PHACTR3: variants seen among roughly 807,000 people sequenced by gnomAD.
PHACTR3 encodes the protein phosphatase and actin regulator 3.
A neutral mutation model predicts 66.8 loss-of-function variants in PHACTR3; 16 were observed. The ratio of observed to expected loss-of-function variants is 0.24; its 90% CI spans 0.16 to 0.36. The LOEUF (loss-of-function observed/expected upper bound fraction) is 0.36, where lower values mean the gene tolerates loss of function less well. PHACTR3 is among the 10% of genes least tolerant of loss of function. The pLI, the probability that PHACTR3 is intolerant of heterozygous loss-of-function variation, is 1.00. For missense variants in PHACTR3, 647 were observed against 719.9 expected, an observed-to-expected ratio of 0.90 and a Z score of 1.16; for synonymous variants, 323 against 292.1, an observed-to-expected ratio of 1.11 and a Z score of -1.08.
intron 7 of PHACTR3, among the ~76,000 whole-genome samples, chr20:59,776,253 C>T (rs543606924): frequency 6.6e-5 from 6 of 90,796 alleles, no homozygotes; most frequent in African/African-American, 1.7e-4. Flanking sequence ...CACAGGAGCC[C>T]CATGAGGCTA....
intron 1 of PHACTR3, among the ~76,000 whole-genome samples, chr20:59,635,794 T>C (rs920678368): frequency 4.6e-5 from 7 of 152,222 alleles, no homozygotes; most frequent in African/African-American, 1.7e-4. Context: ...GGACAGGGAC[T>C]ACACAAAGCT....
At chr20:59,623,611 C>T (rs1049878089) in intron 1 of PHACTR3, among the ~76,000 whole-genome samples, 6 of 152,198 alleles carry the variant, frequency 3.9e-5, no homozygotes, top group Admixed American at 2.0e-4. Context: ...TGGCTTTTCC[C>T]TCTTAAAACT....
At chr20:59,758,881 C>T (rs561259168) in intron 4 of PHACTR3, among the ~76,000 whole-genome samples, 2 of 152,290 alleles carry the variant, frequency 1.3e-5, no homozygotes, top group East Asian at 3.9e-4. Context: ...ACTGACCTCC[C>T]AGGGTCGCTA....
chr20:59,814,018 G>A (rs887360760), intron 8 of PHACTR3, among the ~76,000 whole-genome samples: 5 of 152,222 alleles, frequency 3.3e-5, no homozygotes, highest in East Asian at 1.9e-4. Flanking sequence ...CTGGCGTGGC[G>A]GGGCCCTGCT....
upstream of PHACTR3, chr20:59,604,476 C>T (rs2033585698): frequency 2.7e-6 from 1 of 365,860 alleles, no homozygotes; most frequent in Non-Finnish European, 3.8e-6. Flanking sequence ...ACGTCATGCT[C>T]CTCTCGCGCG....
At chr20:59,625,013 G>A (rs772874980) in intron 1 of PHACTR3, among the ~76,000 whole-genome samples, 2 of 152,182 alleles carry the variant, frequency 1.3e-5, no homozygotes, top group Non-Finnish European at 2.9e-5. Context: ...CCTTCAGGCT[G>A]TCTTGCTGTG....
At chr20:59,771,136 G>A (rs934090431) in intron 5 of PHACTR3, among the ~76,000 whole-genome samples, 1 of 152,194 alleles carries the variant, frequency 6.6e-6, no homozygotes, top group African/African-American at 2.4e-5. Context: ...GACCTGGGTG[G>A]GATCCCAGCT....
chr20:59,791,765 T>G (rs960707797), intron 7 of PHACTR3, among the ~76,000 whole-genome samples: 1 of 122,584 alleles, frequency 8.2e-6, no homozygotes. Context: ...GGCCCCGGTG[T>G]GTGATGGTCC....
chr20:59,648,274 A>G (rs1352422579), intron 1 of PHACTR3, among the ~76,000 whole-genome samples: 5 of 152,056 alleles, frequency 3.3e-5, no homozygotes, highest in Non-Finnish European at 4.4e-5. Flanking sequence ...CTGTTCCCCC[A>G]GGCTCCAGCC....
At chr20:59,719,414 C>T (rs1420645481) in intron 1 of PHACTR3, among the ~76,000 whole-genome samples, 7 of 152,334 alleles carry the variant, frequency 4.6e-5, no homozygotes, top group Admixed American at 2.0e-4. Context: ...CCACCCACCT[C>T]GGCCTCCCAA....
At chr20:59,777,688 T>G (rs921420044) in intron 7 of PHACTR3, among the ~76,000 whole-genome samples, 4 of 152,214 alleles carry the variant, frequency 2.6e-5, no homozygotes, top group Admixed American at 2.6e-4. Context: ...ACCTATCAAT[T>G]ACTTATTGTT....
At chr20:59,683,734 G>T (rs1246033277) in intron 1 of PHACTR3, among the ~76,000 whole-genome samples, 1 of 152,144 alleles carries the variant, frequency 6.6e-6, no homozygotes, top group Non-Finnish European at 1.5e-5. Flanking sequence ...ACCAAACTAA[G>T]ACTCTCCTCT....
At chr20:59,792,280 T>G (rs1411172035) in intron 7 of PHACTR3, among the ~76,000 whole-genome samples, 1 of 152,252 alleles carries the variant, frequency 6.6e-6, no homozygotes, top group Non-Finnish European at 1.5e-5. Flanking sequence ...TCAGCATTTG[T>G]GTACAAGTCT....
chr20:59,594,631 T>C (rs190108265), intron 1 of PHACTR3, among the ~76,000 whole-genome samples: 13 of 152,308 alleles, frequency 8.5e-5, no homozygotes, highest in African/African-American at 3.1e-4. Context: ...CTGCAATGTG[T>C]GTTCCCTCTT....
At chr20:59,619,326 G>C (rs937493174) in intron 1 of PHACTR3, among the ~76,000 whole-genome samples, 2 of 152,132 alleles carry the variant, frequency 1.3e-5, no homozygotes, top group African/African-American at 4.8e-5. Context: ...GGATGGAAGC[G>C]GGGGATGCTG....
chr20:59,821,621 C>T (rs1318250869), intron 8 of PHACTR3, among the ~76,000 whole-genome samples: 4 of 152,134 alleles, frequency 2.6e-5, no homozygotes, highest in Admixed American at 6.5e-5. Context: ...AGGAAACTCG[C>T]GGCTTCTGCT....
intron 1 of PHACTR3, among the ~76,000 whole-genome samples, chr20:59,733,725 G>A (rs570653108): frequency 2.6e-5 from 4 of 152,282 alleles, no homozygotes; most frequent in South Asian, 2.1e-4. Context: ...TTTCACATCT[G>A]TGTGCCTCCA....
At chr20:59,712,628 C>G (rs139222200) in intron 1 of PHACTR3, among the ~76,000 whole-genome samples, 90 of 152,314 alleles carry the variant, frequency 5.9e-4, no homozygotes, top group African/African-American at 2.1e-3. Context: ...CATAGCCCAT[C>G]ATAGCATTGG....
At chr20:59,777,572 C>A (rs1465989400) in intron 7 of PHACTR3, among the ~76,000 whole-genome samples, 1 of 152,198 alleles carries the variant, frequency 6.6e-6, no homozygotes, top group African/African-American at 2.4e-5. Flanking sequence ...CAGACGAAGG[C>A]CCTCATTGTT....
Sources: allele counts gnomAD v4.1 joint callset (sites outside exome capture counted in the v4.1 genomes callset), GRCh38; gene constraint gnomAD v4.1.1; transcripts MANE v1.5; gene names NCBI Gene and HGNC (gene_info 2026-07-23, HGNC 2026-07-21).